The following ALDH1A1 variants were observed in gnomAD, a reference collection of about 807,000 sequenced individuals.
ALDH1A1 encodes the protein aldehyde dehydrogenase 1 family member A1, also known as aldehyde dehydrogenase 1A1.
ALDH1A1 carries 19 observed loss-of-function variants against 62.1 expected under a neutral mutation model. The ratio of observed to expected loss-of-function variants is 0.31; its 90% CI spans 0.21 to 0.45. The LOEUF (loss-of-function observed/expected upper bound fraction) is 0.45. Among genes scored for constraint, ALDH1A1 ranks in the 20% least tolerant of loss-of-function variants. The pLI, the probability that ALDH1A1 is intolerant of heterozygous loss-of-function variation, is 1.00. For synonymous variants in ALDH1A1, 231 were observed against 215.9 expected (o/e 1.07, Z -0.61); for missense variants, 521 against 607.1 (o/e 0.86, Z 1.49).
chr9:72,908,550 AAG>A (rs1377219728), intron 11 of ALDH1A1, among the ~76,000 whole-genome samples: 1,176 of 65,246 alleles, frequency 0.018, 17 homozygotes, highest in Middle Eastern at 0.035. Flanking sequence ...AAAGAAAAGA[AAG>A]AAGAAAGAAA....
rs1181549092 is a variant in ALDH1A1 at position 72,912,103 on chromosome 9, T to C, written c.1055A>G (p.Asp352Gly). The C allele has an allele frequency of 5.6e-6, 9 of 1,612,786 alleles. No individual in the cohort carries two copies. In the African/African-American group the frequency reaches 1.1e-4, roughly 19 times the overall value. Residue 352 changes from aspartate (D) to glycine (G), a missense_variant, in exon 10 of 13, where the codon GAT becomes GGT. Transcript: ENST00000297785. ...ACTCTCAATGAGGTCAAGTATTTTA[T>C]CATATTGTTCCTTGTCAATCTATTT... is the stretch of plus-strand genomic sequence containing the variant. ...QGPQIDKEQY[D>G]KILDLIESGK... is the part of the protein sequence containing the mutation.
chr9:72,921,113 G>A (rs1314258256), intron 7 of ALDH1A1, among the ~76,000 whole-genome samples: 1 of 152,088 alleles, frequency 6.6e-6, no homozygotes, highest in Non-Finnish European at 1.5e-5. Flanking sequence ...TGGGCGTGGT[G>A]GTGGGCGCCT....
intron 12 of ALDH1A1, among the ~76,000 whole-genome samples, chr9:72,904,211 C>T (rs1829844402): frequency 6.6e-6 from 1 of 152,018 alleles, no homozygotes; most frequent in Non-Finnish European, 1.5e-5. Flanking sequence ...TGGTCAGACT[C>T]CAGTAATGTT....
intron 9 of ALDH1A1, among the ~76,000 whole-genome samples, chr9:72,915,608 G>A (rs1830052762): frequency 1.3e-5 from 2 of 152,068 alleles, no homozygotes; most frequent in South Asian, 4.1e-4. Context: ...AAAATATAAT[G>A]GGATTAAGAT....
intron 11 of ALDH1A1, among the ~76,000 whole-genome samples, chr9:72,908,217 C>T (rs1304162404): frequency 7.3e-5 from 11 of 151,484 alleles, no homozygotes; most frequent in South Asian, 4.2e-4. Context: ...GTCAGGAGTT[C>T]GAGACCAGTC....
At chr9:72,909,108 T>C (rs1194982204) in intron 11 of ALDH1A1, among the ~76,000 whole-genome samples, 1 of 150,902 alleles carries the variant, frequency 6.6e-6, no homozygotes, top group Non-Finnish European at 1.5e-5. Context: ...TTCAAGAAGC[T>C]AGATAAAGTT....
At position 72,916,901 on chromosome 9, in the gene ALDH1A1, C is replaced by T. The variant is rs1273195983; in HGVS notation, c.1035+19G>A. The T allele has an allele frequency of 1.3e-6, 2 of 1,559,936 alleles. No homozygotes were observed. Among genetic ancestry groups the T allele is most frequent in the African/African-American group, 1.4e-5 (1 of 72,490 alleles). ...ATTCCTGTGCCCTGAAAATGCTATCCTTTCTATTTTATACTTACCTGAGGG... is the reference window on the plus strand; with the variant it reads ...ATTCCTGTGCCCTGAAAATGCTATCTTTTCTATTTTATACTTACCTGAGGG... On this transcript the variant is annotated intron_variant, in intron 9 of 12. Coordinates refer to ENST00000297785, the MANE Select transcript of ALDH1A1 (RefSeq NM_000689.5).
intron 2 of ALDH1A1, among the ~76,000 whole-genome samples, chr9:72,934,263 CT>C (rs1345057061): frequency 4.6e-5 from 7 of 152,112 alleles, no homozygotes; most frequent in Admixed American, 4.6e-4. Flanking sequence ...TTAATCCTTC[CT>C]TTCAGTTTTC....
intron 9 of ALDH1A1, among the ~76,000 whole-genome samples, chr9:72,914,400 T>C (rs570732502): frequency 1.2e-4 from 19 of 152,296 alleles, no homozygotes; most frequent in African/African-American, 4.6e-4. Flanking sequence ...TTATAGATTA[T>C]CCAATTGCAC....
chr9:72,906,149 A>G lies in ALDH1A1; in HGVS notation c.1359-117T>C, dbSNP rs1829876134. On this transcript the variant is annotated intron_variant, in intron 11 of 12. Transcript: ENST00000297785. The stretch of plus-strand genomic sequence containing the variant: ...CAAACTCCATTAATTTCATTATAAC[A>G]TACTCATCTTGATAAAAAAAAGTAG... 10 of 633,552 alleles carry G rather than the reference A, an allele frequency of 1.6e-5. No homozygotes were observed. The South Asian group carries it at 2.4e-4, about 15-fold the overall frequency. The allele number at this position is 633,552 out of a possible 1,614,324, so 39.2% of individuals were successfully genotyped here. A position where few individuals can be genotyped will look rare whatever the true frequency, so the allele number is the denominator to read the frequency against.
intron 1 of ALDH1A1, among the ~76,000 whole-genome samples, chr9:72,943,389 T>C (rs1830439089): frequency 6.6e-6 from 1 of 152,174 alleles, no homozygotes; most frequent in Admixed American, 6.6e-5. Context: ...ACAGTATGTA[T>C]GTACCATCTA....
chr9:72,938,227 G>C (rs1305901228), intron 2 of ALDH1A1, among the ~76,000 whole-genome samples: 1 of 152,002 alleles, frequency 6.6e-6, no homozygotes, highest in Non-Finnish European at 1.5e-5. Flanking sequence ...TTTCCCAGTA[G>C]TCTTTTCCTG....
chr9:72,901,345 C>G, intron 12 of ALDH1A1, 65 bp from the exon 13 acceptor site: 1 of 1,140,934 alleles, frequency 8.8e-7, no homozygotes, highest in Non-Finnish European at 1.3e-6. Flanking sequence ...TACTGTAGTT[C>G]ATGTTTGGTA....
chr9:72,918,628 TTTTTTTTTTG>T, intron 8 of ALDH1A1, 82 bp downstream of exon 8: 1 of 321,414 alleles, frequency 3.1e-6, no homozygotes, highest in Non-Finnish European at 5.4e-6. Flanking sequence ...TTTTTTTTTT[TTTTTTTTTTG>T]TAAAGTTCAA....
At chr9:72,927,224 C>T in intron 4 of ALDH1A1, 47 bp from the exon 5 acceptor site, 1 of 1,401,766 alleles carries the variant, frequency 7.1e-7, no homozygotes, top group Non-Finnish European at 9.9e-7. Flanking sequence ...ATGTATTTGA[C>T]ATTCACAAAA....
At chr9:72,913,846 A>G (rs348477) in intron 9 of ALDH1A1, among the ~76,000 whole-genome samples, 149,674 of 152,332 alleles carry the variant, frequency 0.98, 73,557 homozygotes, top group East Asian at 1. Flanking sequence ...CCCCGGGCAC[A>G]GGAAAGATTG....
intron 2 of ALDH1A1, among the ~76,000 whole-genome samples, chr9:72,933,888 C>T (rs571751369): frequency 1.1e-4 from 17 of 152,178 alleles, no homozygotes; most frequent in East Asian, 3.9e-4. Flanking sequence ...GACCTCCTGA[C>T]GAGCCTCAGG....
chr9:72,908,434 C>CAA (rs386415096), intron 11 of ALDH1A1, among the ~76,000 whole-genome samples: 1,111 of 2,466 alleles, frequency 0.45, 390 homozygotes, highest in Non-Finnish European at 0.57. Flanking sequence ...GACTCCAGCT[C>CAA]AAAAAAAAAA....
chr9:72,946,723 T>C (rs1170917466), intron 1 of ALDH1A1, among the ~76,000 whole-genome samples: 1 of 151,950 alleles, frequency 6.6e-6, no homozygotes, highest in East Asian at 1.9e-4. Flanking sequence ...AATAGCATCA[T>C]GATAAATCAA....
Sources: gnomAD v4.1 joint callset for allele counts (sites outside exome capture counted in the v4.1 genomes callset) on GRCh38, gnomAD v4.1.1 for gene constraint, MANE v1.5 for transcripts, NCBI Gene and HGNC (gene_info 2026-07-23, HGNC 2026-07-21) for gene names.